MBIP: variants seen among roughly 807,000 people sequenced by gnomAD.
MBIP encodes the protein MAP3K12 binding inhibitory protein 1, also known as MAP3K12-binding inhibitory protein 1.
In MBIP, 32 loss-of-function variants were observed where a neutral mutation model predicts 45.7. That is an observed-to-expected ratio of 0.70 (90% CI 0.53 to 0.94). The LOEUF is 0.94. Ranked by LOEUF, MBIP falls within the 40% of genes least tolerant of loss-of-function variation. The pLI, the probability that MBIP is intolerant of heterozygous loss-of-function variation, is 0.00. For synonymous variants in MBIP, 145 were observed against 141.0 expected, an observed-to-expected ratio of 1.03 and a Z score of -0.20; for missense variants, 381 against 405.5, an observed-to-expected ratio of 0.94 and a Z score of 0.52.
chr14:36,301,064 G>A, intron 7 of MBIP: 1 of 290,588 alleles, frequency 3.4e-6, no homozygotes, highest in South Asian at 1.2e-4. Flanking sequence ...CTCATCCTTG[G>A]CAATACATAT....
chr14:36,315,932 C>T (rs955036486), intron 2 of MBIP, among the ~76,000 whole-genome samples: 2 of 34,378 alleles, frequency 5.8e-5, no homozygotes, highest in Non-Finnish European at 2.9e-4. Flanking sequence ...GTAAACTGAC[C>T]AATCCAGTTT....
intron 1 of MBIP, among the ~76,000 whole-genome samples, chr14:36,318,498 G>A (rs1200761175): frequency 6.6e-6 from 1 of 151,832 alleles, no homozygotes; most frequent in Non-Finnish European, 1.5e-5. Flanking sequence ...ACAGAACTTG[G>A]AAGAGTAAAC....
At position 36,320,553 on chromosome 14, in the gene MBIP, G is replaced by A. The variant is rs777723200; in HGVS notation, c.36C>T (p.Ser12=). 6.2e-7 allele frequency: 1 copy of A among 1,613,324 alleles called. No homozygotes were observed. Among genetic ancestry groups the A allele is most frequent in the Non-Finnish European group, 8.5e-7 (1 of 1,179,668 alleles). Reference sequence around the variant, plus strand: ...ATCTTCGCTCCAGGTTCCTGTCACCGCTGCTCGGGCGATTAAGCTCCGTGG... The same window carrying A: ...ATCTTCGCTCCAGGTTCCTGTCACCACTGCTCGGGCGATTAAGCTCCGTGG... The part of the protein sequence containing the change: ...AAATELNRPS[S]GDRNLERRCR... Residue 12 remains serine, a synonymous_variant, in exon 1 of 9, where the codon AGC becomes AGT. Transcript: ENST00000416007.
chr14:36,311,481 G>A (rs1880200497), intron 6 of MBIP, 92 bp downstream of exon 6: 1 of 1,176,108 alleles, frequency 8.5e-7, no homozygotes, highest in African/African-American at 1.5e-5. Context: ...GAAATGTTAG[G>A]AGCTAAATGA....
intron 7 of MBIP, 91 bp from the exon 8 acceptor site, chr14:36,300,914 G>A: frequency 1.3e-6 from 1 of 751,928 alleles, no homozygotes; most frequent in Non-Finnish European, 2.1e-6. Context: ...GTACAGCCTT[G>A]GGAACCCTGA....
intron 6 of MBIP, among the ~76,000 whole-genome samples, chr14:36,311,311 G>T (rs991288842): frequency 6.6e-6 from 1 of 151,618 alleles, no homozygotes; most frequent in Non-Finnish European, 1.5e-5. Context: ...TTTTAGAGTT[G>T]TCACTTAGTA....
At chr14:36,301,087 T>C (rs1255758858) in intron 7 of MBIP, 6 of 245,644 alleles carry the variant, frequency 2.4e-5, no homozygotes, top group African/African-American at 6.7e-5. Flanking sequence ...TCCCATCAAC[T>C]ACCCGCTGCT....
At position 36,314,606 on chromosome 14, in the gene MBIP, A is replaced by AT; in HGVS notation, c.476_477insA (p.Asp160Ter). ...CAATAAATGCAGATATTCGTCTGTC[A>AT]ATCTACAAACAACAAGTTTTAACAG... is the stretch of plus-strand genomic sequence containing the variant. On this transcript the variant is annotated frameshift_variant and splice_region_variant, in exon 4 of 9. Coordinates refer to ENST00000416007, the MANE Select transcript of MBIP (RefSeq NM_016586.3). LOFTEE classifies it high-confidence loss of function. 6.2e-7 allele frequency: 1 copy of AT among 1,610,056 alleles called. No individual in the cohort carries two copies. The highest frequency in any genetic ancestry group is 8.5e-7 in the Non-Finnish European group (1 of 1,178,272).
chr14:36,299,010 C>A lies in MBIP; in HGVS notation c.*73G>T. On this transcript the variant is annotated 3_prime_UTR_variant, in exon 9 of 9. Transcript: ENST00000416007. ...AAGTCTACATTGATAAATATATATCCGTTGAATTAATAACAGTGTAAGTTA... is the reference window on the plus strand; with the variant it reads ...AAGTCTACATTGATAAATATATATCAGTTGAATTAATAACAGTGTAAGTTA... 9.6e-7 allele frequency: 1 copy of A among 1,041,676 alleles called. No individual in the cohort carries two copies. The highest frequency in any genetic ancestry group is 1.5e-6 in the Non-Finnish European group (1 of 671,358). 64.5% of individuals were successfully genotyped at this position (1,041,676 alleles called of 1,614,324 possible).
At chr14:36,300,089 T>A (rs538106443) in intron 8 of MBIP, among the ~76,000 whole-genome samples, 106 of 152,280 alleles carry the variant, frequency 7.0e-4, no homozygotes, top group African/African-American at 2.5e-3. Context: ...CAACGAAGTG[T>A]TACAGTTTAC....
chr14:36,304,726 T>C (rs1879771170), intron 7 of MBIP, among the ~76,000 whole-genome samples: 2 of 152,264 alleles, frequency 1.3e-5, no homozygotes, highest in Non-Finnish European at 2.9e-5. Flanking sequence ...GTTTTATGTC[T>C]GGTCGTAAAA....
intron 6 of MBIP, among the ~76,000 whole-genome samples, chr14:36,309,461 A>G (rs527676139): frequency 7.0e-4 from 106 of 152,336 alleles, no homozygotes; most frequent in African/African-American, 2.5e-3. Flanking sequence ...TGCATGGCAA[A>G]GAGCTGGTGC....
chr14:36,320,310 GC>G, intron 1 of MBIP, 149 bp downstream of exon 1: 1 of 1,050,664 alleles, frequency 9.5e-7, no homozygotes, highest in South Asian at 1.5e-5. Flanking sequence ...GACCGAGGAG[GC>G]TGGGCCCGGG....
At chr14:36,312,826 T>C (rs1041520780) in intron 4 of MBIP, among the ~76,000 whole-genome samples, 12 of 152,084 alleles carry the variant, frequency 7.9e-5, no homozygotes, top group African/African-American at 2.9e-4. Flanking sequence ...TTTGAAATAA[T>C]GTTTAAAGGC....
chr14:36,314,217 A>C, intron 4 of MBIP: 1 of 279,754 alleles, frequency 3.6e-6, no homozygotes, highest in Non-Finnish European at 6.6e-6. Flanking sequence ...GAGATAGATC[A>C]ACCTTCTCAC....
intron 2 of MBIP, 83 bp downstream of exon 2, chr14:36,316,610 G>A: frequency 1.6e-6 from 2 of 1,265,990 alleles, no homozygotes; most frequent in Admixed American, 2.2e-5. Flanking sequence ...ATAGTGTTTA[G>A]AACTGTCAAA....
At chr14:36,311,814 T>C in intron 5 of MBIP, 89 bp from the exon 6 acceptor site, 1 of 1,295,604 alleles carries the variant, frequency 7.7e-7, no homozygotes, top group South Asian at 1.5e-5. Context: ...ATTTTTTTCA[T>C]AAAGACCATC....
intron 7 of MBIP, among the ~76,000 whole-genome samples, chr14:36,301,866 CTG>C (rs1477022079): frequency 6.6e-6 from 1 of 152,176 alleles, no homozygotes; most frequent in Non-Finnish European, 1.5e-5. Context: ...GACAAAGAAA[CTG>C]TGAATGTCCA....
chr14:36,315,184 G>A (rs1242846689), intron 2 of MBIP, among the ~76,000 whole-genome samples: 1 of 151,992 alleles, frequency 6.6e-6, no homozygotes, highest in African/African-American at 2.4e-5. Context: ...AAAACCTAAG[G>A]AAATTTAAAA....
Sources: gnomAD v4.1 joint callset for allele counts (sites outside exome capture counted in the v4.1 genomes callset) on GRCh38, gnomAD v4.1.1 for gene constraint, MANE v1.5 for transcripts, NCBI Gene and HGNC (gene_info 2026-07-23, HGNC 2026-07-21) for gene names.